Variants in HP1BP3 observed in about 807,000 individuals in gnomAD.
The protein encoded by HP1BP3 is heterochromatin protein 1 binding protein 3.
Under a neutral mutation model 62.5 loss-of-function variants are expected in HP1BP3, and 12 were observed. The observed-to-expected ratio is 0.19, with a 90% confidence interval of 0.12 to 0.31. The LOEUF (loss-of-function observed/expected upper bound fraction) is 0.31. Among genes scored for constraint, HP1BP3 ranks in the 10% least tolerant of loss-of-function variants. HP1BP3 has a pLI of 1.00. For synonymous variants in HP1BP3, 260 were observed against 237.8 expected, an observed-to-expected ratio of 1.09 and a Z score of -0.86; for missense variants, 502 against 651.8, an observed-to-expected ratio of 0.77 and a Z score of 2.50.
intron 1 of HP1BP3, among the ~76,000 whole-genome samples, chr1:20,784,870 G>C (rs1374016393): frequency 3.3e-5 from 5 of 152,162 alleles, no homozygotes; most frequent in African/African-American, 7.2e-5. Flanking sequence ...ACATCAGCTT[G>C]CTTAAACTTA....
intron 9 of HP1BP3, among the ~76,000 whole-genome samples, chr1:20,755,800 A>G (rs1245708043): frequency 6.6e-6 from 1 of 152,220 alleles, no homozygotes; most frequent in Non-Finnish European, 1.5e-5. Context: ...ATGAAATACT[A>G]TTGGACAATA....
chr1:20,779,980 C>A, intron 2 of HP1BP3, 69 bp from the exon 3 acceptor site: 1 of 1,180,614 alleles, frequency 8.5e-7, no homozygotes, highest in South Asian at 1.4e-5. Context: ...CTCAAAGGGC[C>A]TAACTGGGTG....
At chr1:20,782,317 C>T (rs1354044385) in intron 1 of HP1BP3, among the ~76,000 whole-genome samples, 1 of 151,982 alleles carries the variant, frequency 6.6e-6, no homozygotes, top group Admixed American at 6.6e-5. Flanking sequence ...GGTGTGGTGG[C>T]TCACACCTGT....
chr1:20,740,772 C>T lies in HP1BP3; in HGVS notation c.*4025G>A, dbSNP rs1252054427. Among the ~76,000 whole-genome samples, 3 of 152,218 alleles carry T rather than the reference C, an allele frequency of 2.0e-5. No homozygotes were observed. The highest frequency in any genetic ancestry group is 2.9e-5 in the Non-Finnish European group (2 of 68,042). ...GTTCAAAGCTGCAGTGAGCCAAGATCACACCACTGCGCTGCAGCCTTAGTG... is the reference window on the plus strand; with the variant it reads ...GTTCAAAGCTGCAGTGAGCCAAGATTACACCACTGCGCTGCAGCCTTAGTG... On this transcript the variant is annotated 3_prime_UTR_variant, in exon 13 of 13. Coordinates refer to ENST00000438032, the MANE Select transcript of HP1BP3 (RefSeq NM_001372052.1).
intron 3 of HP1BP3, among the ~76,000 whole-genome samples, chr1:20,778,298 CAT>C (rs1309658169): frequency 2.6e-5 from 4 of 152,118 alleles, no homozygotes; most frequent in African/African-American, 4.8e-5. Context: ...CTGTGTAAAA[CAT>C]AGAGTTTACA....
chr1:20,781,914 C>T (rs2057569348), intron 1 of HP1BP3, among the ~76,000 whole-genome samples: 2 of 152,186 alleles, frequency 1.3e-5, no homozygotes, highest in South Asian at 4.1e-4. Flanking sequence ...GCGTGACCCA[C>T]CGCACCCGGC....
chr1:20,741,216 A>G lies in HP1BP3; in HGVS notation c.*3581T>C, dbSNP rs1208784989. On this transcript the variant is annotated 3_prime_UTR_variant, in exon 13 of 13. Transcript: ENST00000438032. ...ATAGGAGACCTTAACTATAATCCCA[A>G]ATTTTTAAAGTTTCTCTTAGTTAAA... 6.6e-6 allele frequency among the ~76,000 whole-genome samples: 1 copy of G among 152,204 alleles called. No individual in the cohort carries two copies. Among genetic ancestry groups the G allele is most frequent in the Non-Finnish European group, 1.5e-5 (1 of 68,034 alleles).
chr1:20,766,083 C>G (rs2056769064), intron 7 of HP1BP3, among the ~76,000 whole-genome samples: 1 of 151,922 alleles, frequency 6.6e-6, no homozygotes, highest in African/African-American at 2.4e-5. Flanking sequence ...CCTGAGGTCT[C>G]AAGTTTGAGA....
At chr1:20,749,674 A>G in intron 10 of HP1BP3, 49 bp downstream of exon 10, 1 of 1,551,962 alleles carries the variant, frequency 6.4e-7, no homozygotes, top group Non-Finnish European at 8.7e-7. Context: ...CGGTTTTTTC[A>G]AAAGAAAATT....
At chr1:20,749,133 G>A (rs1467430673) in intron 10 of HP1BP3, among the ~76,000 whole-genome samples, 2 of 152,144 alleles carry the variant, frequency 1.3e-5, no homozygotes, top group African/African-American at 4.8e-5. Flanking sequence ...ATTTAGAGTT[G>A]CTTTGAACCT....
intron 9 of HP1BP3, among the ~76,000 whole-genome samples, chr1:20,755,088 A>G (rs2056019224): frequency 1.3e-5 from 2 of 152,226 alleles, no homozygotes; most frequent in African/African-American, 4.8e-5. Context: ...ACCCCCTTTT[A>G]AAAATGGGCA....
chr1:20,765,317 GA>G, intron 8 of HP1BP3, 59 bp downstream of exon 8: 1 of 1,147,496 alleles, frequency 8.7e-7, no homozygotes, highest in Non-Finnish European at 1.2e-6. Flanking sequence ...CTTTTCCCAT[GA>G]AAAGGGAGCT....
intron 12 of HP1BP3, 121 bp downstream of exon 12, chr1:20,745,422 G>A: frequency 1.6e-6 from 2 of 1,224,232 alleles, no homozygotes; most frequent in Non-Finnish European, 2.2e-6. Context: ...TTTATATAAA[G>A]AACTTGAGAA....
intron 8 of HP1BP3, among the ~76,000 whole-genome samples, chr1:20,762,146 G>T (rs1205929449): frequency 6.6e-6 from 1 of 152,152 alleles, no homozygotes; most frequent in Non-Finnish European, 1.5e-5. Flanking sequence ...ATGTGTATAT[G>T]AAAGGACTCC....
chr1:20,758,425 A>G (rs1442394884), intron 8 of HP1BP3, among the ~76,000 whole-genome samples: 1 of 151,806 alleles, frequency 6.6e-6, no homozygotes, highest in African/African-American at 2.4e-5. Context: ...AGGTCACTGC[A>G]ACCTCCGCCC....
intron 9 of HP1BP3, among the ~76,000 whole-genome samples, chr1:20,750,565 ATTATT>A (rs1206152206): frequency 4.0e-5 from 6 of 151,072 alleles, no homozygotes; most frequent in African/African-American, 9.7e-5. Flanking sequence ...AAAAAAAAAG[ATTATT>A]TTATTTGAGA....
At position 20,773,501 on chromosome 1, in the gene HP1BP3, C is replaced by A. The variant is rs1437498048; in HGVS notation, c.460G>T (p.Ala154Ser). 8 of 1,613,050 alleles carry A rather than the reference C, an allele frequency of 5.0e-6. No homozygotes were observed. The highest frequency in any genetic ancestry group is 6.8e-6 in the Non-Finnish European group (8 of 1,179,422). Residue 154 changes from alanine (A) to serine (S), a missense_variant, in exon 5 of 13, where the codon GCT (alanine) becomes TCT (serine). Transcript: ENST00000438032. ...TCCATCTTGGGACGTGGGGAAGAAG[C>A]CATCGGTGTTTGTTTCTGGGCCCTG... The part of the protein sequence containing the change: ...LARAQKQTPM[A>S]SSPRPKMDAI...
intron 1 of HP1BP3, among the ~76,000 whole-genome samples, chr1:20,783,218 A>G (rs2057654253): frequency 6.6e-6 from 1 of 152,258 alleles, no homozygotes; most frequent in African/African-American, 2.4e-5. Context: ...GTTATTTGGG[A>G]TAAATATTAA....
At chr1:20,753,976 A>G (rs189088209) in intron 9 of HP1BP3, among the ~76,000 whole-genome samples, 92 of 152,326 alleles carry the variant, frequency 6.0e-4, no homozygotes, top group South Asian at 2.9e-3. Context: ...TGCTGTTACC[A>G]CTTCTACTCA....
Sources: allele counts gnomAD v4.1 joint callset (sites outside exome capture counted in the v4.1 genomes callset), GRCh38; gene constraint gnomAD v4.1.1; transcripts MANE v1.5; gene names NCBI Gene and HGNC (gene_info 2026-07-23, HGNC 2026-07-21).